Variants in PHF21B observed in about 807,000 individuals in gnomAD.
The protein encoded by PHF21B is PHD finger protein 4.
A neutral mutation model predicts 62.2 loss-of-function variants in PHF21B; 22 were observed. The ratio of observed to expected loss-of-function variants is 0.35; its 90% CI spans 0.25 to 0.51. The LOEUF is 0.51. Ranked by LOEUF, PHF21B falls within the 20% of genes least tolerant of loss-of-function variation. The probability of loss-of-function intolerance (pLI) is 0.97; values close to 1 mark genes in which losing one functional copy is unlikely to be tolerated. For missense variants in PHF21B, 701 were observed against 707.9 expected (o/e 0.99, Z 0.11); for synonymous variants, 341 against 314.7 (o/e 1.08, Z -0.88).
Position 44,912,223 on chromosome 22 carries a change from G to A in PHF21B, c.831+1599C>T, listed in dbSNP as rs774190598. 7.2e-5 allele frequency among the ~76,000 whole-genome samples: 11 copies of A among 152,272 alleles called. No homozygotes were observed. In the East Asian group the frequency reaches 9.6e-4, roughly 13 times the overall value. On this transcript the variant is annotated intron_variant, in intron 5 of 12. Transcript: ENST00000313237. ...AGGTGGAAGGGACTTGCCTTGTCTC[G>A]GATGAGACTTTGGACTGTGGACTTT...
Position 44,950,258 on chromosome 22 carries a change from C to T in PHF21B, c.121-29768G>A, listed in dbSNP as rs912370163. 7.9e-5 allele frequency among the ~76,000 whole-genome samples: 12 copies of T among 152,358 alleles called. 1 individual carries two copies. Among genetic ancestry groups the T allele is most frequent in the South Asian group, 4.1e-4 (2 of 4,832 alleles). On this transcript the variant is annotated intron_variant, in intron 2 of 12. Coordinates refer to ENST00000313237, the MANE Select transcript of PHF21B (RefSeq NM_138415.5). ...GCCTTGTTTTCAACATCGGTAGACTCGTCAACCCTGGGTTGCGTACCGCAG... is the reference window on the plus strand; with the variant it reads ...GCCTTGTTTTCAACATCGGTAGACTTGTCAACCCTGGGTTGCGTACCGCAG...
At chr22:44,960,860 G>C (rs73422576) in intron 2 of PHF21B, among the ~76,000 whole-genome samples, 2,222 of 152,034 alleles carry the variant, frequency 0.015, 67 homozygotes, top group African/African-American at 0.051. Context: ...CCTCCTTTTG[G>C]ACTGGAACTT....
At chr22:44,890,529 C>T (rs1384642338) in intron 8 of PHF21B, among the ~76,000 whole-genome samples, 4 of 152,222 alleles carry the variant, frequency 2.6e-5, no homozygotes, top group Admixed American at 6.5e-5. Flanking sequence ...GCTATGGGCC[C>T]ACTTTCCAGA....
At chr22:44,988,182 G>A (rs1023477873) in intron 2 of PHF21B, among the ~76,000 whole-genome samples, 3 of 152,340 alleles carry the variant, frequency 2.0e-5, no homozygotes, top group Non-Finnish European at 2.9e-5. Context: ...ACTTCAAGGC[G>A]AGGCATGGTG....
chr22:44,983,691 A>G (rs2072883691), intron 2 of PHF21B, among the ~76,000 whole-genome samples: 1 of 152,334 alleles, frequency 6.6e-6, no homozygotes, highest in African/African-American at 2.4e-5. Flanking sequence ...AGAAATGTCT[A>G]AACACCAATC....
At chr22:44,914,139 C>T (rs1347537638) in intron 4 of PHF21B, 51 bp from the exon 5 acceptor site, 10 of 452,086 alleles carry the variant, frequency 2.2e-5, no homozygotes, top group South Asian at 7.2e-5. Context: ...GTGAGGGGGG[C>T]TGGGGAGGTA....
At chr22:44,918,039 C>T (rs2071469901) in intron 3 of PHF21B, among the ~76,000 whole-genome samples, 1 of 152,276 alleles carries the variant, frequency 6.6e-6, no homozygotes, top group Non-Finnish European at 1.5e-5. Flanking sequence ...CCACTCTGTC[C>T]TTGGCACCAG....
At chr22:44,900,196 AAT>A (rs1253221347) in intron 5 of PHF21B, among the ~76,000 whole-genome samples, 1 of 152,102 alleles carries the variant, frequency 6.6e-6, no homozygotes, top group Non-Finnish European at 1.5e-5. Context: ...CCCACAGTTA[AAT>A]ATATTTGATG....
chr22:44,928,783 G>A (rs958136741), intron 2 of PHF21B, among the ~76,000 whole-genome samples: 3 of 152,228 alleles, frequency 2.0e-5, no homozygotes, highest in African/African-American at 7.2e-5. Flanking sequence ...CTTCCTCGCA[G>A]TGGGCCGTGT....
At chr22:44,990,182 G>C (rs1392836544) in intron 2 of PHF21B, among the ~76,000 whole-genome samples, 2 of 152,214 alleles carry the variant, frequency 1.3e-5, no homozygotes, top group African/African-American at 2.4e-5. Context: ...ACACAGGTTT[G>C]ATGGAACACG....
At position 44,885,434 on chromosome 22, in the gene PHF21B, C is replaced by T. The variant is rs1196552880; in HGVS notation, c.1369G>A (p.Ala457Thr). ...CAGGCCCCGGGGCACACCTGCACTG[C>T]TGACGCCAGCCGCCGGTCCCGCTCC... is the stretch of plus-strand genomic sequence containing the variant. ...LEERDRRLAS[A>T]VQKCLELKTS... The change falls in exon 12 of 13, where the codon GCA becomes ACA. Residue 457 changes from alanine to threonine, a missense_variant. Transcript: ENST00000313237. The T allele has an allele frequency of 6.3e-7, 1 of 1,577,760 alleles. No homozygotes were observed. Among genetic ancestry groups the T allele is most frequent in the Non-Finnish European group, 8.6e-7 (1 of 1,164,116 alleles).
intron 12 of PHF21B, 34 bp downstream of exon 12, chr22:44,885,392 C>A (rs761927944): frequency 1.3e-6 from 2 of 1,537,122 alleles, no homozygotes; most frequent in Non-Finnish European, 1.8e-6. Context: ...ACCTGCAGGG[C>A]TGAGGCCAGC....
chr22:44,968,110 C>T (rs540656852), intron 2 of PHF21B, among the ~76,000 whole-genome samples: 5 of 152,254 alleles, frequency 3.3e-5, no homozygotes, highest in African/African-American at 1.2e-4. Flanking sequence ...TTCCTTCCTT[C>T]CACACTGTGA....
chr22:45,001,738 A>G (rs187934149), intron 2 of PHF21B: 27 of 152,386 alleles, frequency 1.8e-4, no homozygotes, highest in Admixed American at 1.6e-3. Context: ...TGTTCCCAAG[A>G]GACCTCCACA....
intron 2 of PHF21B, among the ~76,000 whole-genome samples, chr22:44,943,008 C>G (rs1022164031): frequency 4.1e-5 from 5 of 122,392 alleles, no homozygotes; most frequent in South Asian, 2.5e-4. Flanking sequence ...CCCCCCCCCC[C>G]ATCCTCAGAA....
intron 2 of PHF21B, among the ~76,000 whole-genome samples, chr22:44,944,954 CCT>C (rs546195422): frequency 8.8e-4 from 134 of 152,356 alleles, no homozygotes; most frequent in African/African-American, 2.9e-3. Flanking sequence ...TTCGTTTCCT[CCT>C]CTGTGAATTA....
chr22:44,905,044 AATCCCACCT>A (rs1272723762), intron 5 of PHF21B, among the ~76,000 whole-genome samples: 1 of 152,110 alleles, frequency 6.6e-6, no homozygotes, highest in Non-Finnish European at 1.5e-5. Context: ...TGCTTTTATT[AATCCCACCT>A]GAGAGATGGA....
chr22:44,994,671 C>G (rs556891965), intron 2 of PHF21B, among the ~76,000 whole-genome samples: 41 of 152,338 alleles, frequency 2.7e-4, no homozygotes, highest in Middle Eastern at 3.4e-3. Context: ...GGCTCACACA[C>G]AGCTGAGCCC....
rs970266902 is a variant in PHF21B at position 45,009,424 on chromosome 22, G to T, written c.54+72C>A. ...CCAGAGACCCGGAAGAGAGGATGCTGGGCTCGGGTCCCCCGACCCCCTCAC... is the reference window on the plus strand; with the variant it reads ...CCAGAGACCCGGAAGAGAGGATGCTTGGCTCGGGTCCCCCGACCCCCTCAC... On this transcript the variant is annotated intron_variant, in intron 1 of 12. Transcript: ENST00000313237. This position sits in a 1 kb window ranked among gnomAD's most constrained non-coding sequence, Gnocchi z 5.9. 9 of 1,418,932 alleles carry T rather than the reference G, an allele frequency of 6.3e-6. No individual in the cohort carries two copies. In the African/African-American group the frequency reaches 1.2e-4, roughly 18 times the overall value. 87.9% of individuals were successfully genotyped at this position (1,418,932 alleles called of 1,614,324 possible).
Sources: allele counts gnomAD v4.1 joint callset (sites outside exome capture counted in the v4.1 genomes callset), GRCh38; gene constraint gnomAD v4.1.1; non-coding constraint Gnocchi (gnomAD v3.1); transcripts MANE v1.5; gene names NCBI Gene and HGNC (gene_info 2026-07-23, HGNC 2026-07-21).